The following MUC4 variants were observed in gnomAD, a reference collection of about 807,000 sequenced individuals.
MUC4 encodes mucin-4.
MUC4 carries 202 observed loss-of-function variants against 257.9 expected under a neutral mutation model. That is an observed-to-expected ratio of 0.78 (90% CI 0.70 to 0.88). The LOEUF is 0.88. MUC4 is among the 40% of genes least tolerant of loss of function. The pLI, the probability that MUC4 is intolerant of heterozygous loss-of-function variation, is 0.00. For synonymous variants in MUC4, 2,351 were observed against 2,757.1 expected, an observed-to-expected ratio of 0.85 and a Z score of 4.62; for missense variants, 5,976 against 6,513.7, an observed-to-expected ratio of 0.92 and a Z score of 2.84.
At chr3:195,796,705 A>G (rs765743934) in intron 1 of MUC4, among the ~76,000 whole-genome samples, 2 of 152,046 alleles carry the variant, frequency 1.3e-5, no homozygotes, top group Non-Finnish European at 2.9e-5. Flanking sequence ...AAAAATATGT[A>G]TATATAATCT....
Position 195,761,005 on chromosome 3 carries a change from C to G in MUC4, c.14727G>C (p.Leu4909Phe), listed in dbSNP as rs1718774724. The G allele has an allele frequency of 1.9e-6, 3 of 1,614,118 alleles. No individual in the cohort carries two copies. The highest frequency in any genetic ancestry group is 2.5e-6 in the Non-Finnish European group (3 of 1,180,010). The change falls in exon 16 of 25, where the codon TTG (leucine) becomes TTC (phenylalanine). Residue 4909 changes from leucine to phenylalanine, a missense_variant. Leu to Phe is a conservative substitution (Grantham distance 22). Transcript: ENST00000463781. ...LQKNSSWAEHLISNCDGDSSC... is the reference protein window; with the variant it reads ...LQKNSSWAEHFISNCDGDSSC... Reference sequence around the variant, plus strand: ...AGCTATCTCCGTCACAGTTGGAGATCAAATGTTCAGCCCAGGAGCTGTTTT... The same window carrying G: ...AGCTATCTCCGTCACAGTTGGAGATGAAATGTTCAGCCCAGGAGCTGTTTT...
At chr3:195,811,657 C>T (rs1301584457) in intron 1 of MUC4, 79 bp downstream of exon 1, 27 of 1,291,398 alleles carry the variant, frequency 2.1e-5, no homozygotes, top group Admixed American at 1.9e-4. Context: ...TCTGTCTCCC[C>T]GGACCTCTTT....
intron 7 of MUC4, among the ~76,000 whole-genome samples, chr3:195,767,540 TCATCACCATCACCATTACCATTGCCAC>T (rs1721046495): frequency 1.5e-5 from 1 of 65,736 alleles, no homozygotes; most frequent in Non-Finnish European, 2.8e-5. Flanking sequence ...GCCACCACCA[TCATCACCATCACCATTACCATTGCCAC>T]CACCATCACC....
intron 3 of MUC4, among the ~76,000 whole-genome samples, chr3:195,776,219 T>G (rs1334650428): frequency 4.5e-3 from 2 of 448 alleles, no homozygotes; most frequent in African/African-American, 0.032. Flanking sequence ...ACCTTCCACA[T>G]CCATACCTTC....
At chr3:195,799,463 G>A (rs1319369007) in intron 1 of MUC4, among the ~76,000 whole-genome samples, 1 of 152,152 alleles carries the variant, frequency 6.6e-6, no homozygotes, top group Non-Finnish European at 1.5e-5. Flanking sequence ...ACCATGCCAG[G>A]CTAATTTTTT....
chr3:195,809,621 G>C (rs1309810036), intron 1 of MUC4: 1 of 152,470 alleles, frequency 6.6e-6, no homozygotes, highest in Non-Finnish European at 1.5e-5. Flanking sequence ...AGACGCCCTT[G>C]CACACCAACA....
rs763696983 is a variant in MUC4, at chr3:195,757,139, A to C, written c.15168+8T>G. On this transcript the variant is annotated splice_region_variant and intron_variant, in intron 18 of 24. Transcript: ENST00000463781. This position sits in a 1 kb window ranked among gnomAD's most constrained non-coding sequence, Gnocchi z 4.8. ...ACAGAAACTCCTCCCCCACCTCCCA[A>C]CACTCACCTCCAGGGAGGAGTTGCC... is the stretch of plus-strand genomic sequence containing the variant. The C allele has an allele frequency of 6.3e-7, 1 of 1,587,260 alleles. No homozygotes were observed. Among genetic ancestry groups the C allele is most frequent in the Non-Finnish European group, 8.6e-7 (1 of 1,159,488 alleles).
At chr3:195,795,851 GGT>G (rs1553888970) in intron 1 of MUC4, among the ~76,000 whole-genome samples, 12 of 126,898 alleles carry the variant, frequency 9.5e-5, no homozygotes, top group African/African-American at 4.0e-4. Context: ...GGGGGAGGGG[GGT>G]GGGAGGAGGG....
Position 195,771,656 on chromosome 3 carries a change from T to A in MUC4, c.13238A>T (p.Tyr4413Phe). 6.2e-7 allele frequency: 1 copy of A among 1,613,164 alleles called. No individual in the cohort carries two copies. Among genetic ancestry groups the A allele is most frequent in the East Asian group, 2.2e-5 (1 of 44,842 alleles). The change falls in exon 5 of 25, where the codon TAT (tyrosine) becomes TTT (phenylalanine). Residue 4413 changes from tyrosine (Y) to phenylalanine (F), a missense_variant. This residue lies in a region of MUC4 where 996 missense variants were observed against 1,137.3 expected (regional missense o/e 0.88). Coordinates refer to ENST00000463781, the MANE Select transcript of MUC4 (RefSeq NM_018406.7). ...GCCAGGCTTTGAAAGGCTCACCTGA[T>A]AAAATGTGGTCCCCCGACCAGTGGA... The part of the protein sequence containing the change: ...DFSTGRGTTF[Y>F]QEYETFYGEH...
At chr3:195,775,559 C>G (rs866616920) in intron 3 of MUC4, among the ~76,000 whole-genome samples, 1 of 72,548 alleles carries the variant, frequency 1.4e-5, no homozygotes, top group African/African-American at 8.8e-5. Flanking sequence ...ACCTTCCACA[C>G]CCATACCTTC....
At position 195,778,613 on chromosome 3, in the gene MUC4, T is replaced by C. The variant is rs189528397; in HGVS notation, c.12791-158A>G. ...TACTCTCGACATCAGTGCTTTTCGATTGCGGCACAAAGGAGGGTGAGCCTG... is the reference window on the plus strand; with the variant it reads ...TACTCTCGACATCAGTGCTTTTCGACTGCGGCACAAAGGAGGGTGAGCCTG... On this transcript the variant is annotated intron_variant, in intron 2 of 24. Transcript: ENST00000463781. Among the ~76,000 whole-genome samples the C allele has an allele frequency of 1.8e-3, 274 of 152,328 alleles. 2 individuals are homozygous for C. Among genetic ancestry groups the C allele is most frequent in the African/African-American group, 6.2e-3 (259 of 41,576 alleles).
At position 195,810,596 on chromosome 3, in the gene MUC4, A is replaced by G. The variant is rs1472099877; in HGVS notation, c.82+1140T>C. 6.6e-6 allele frequency among the ~76,000 whole-genome samples: 1 copy of G among 151,916 alleles called. No homozygotes were observed. The highest frequency in any genetic ancestry group is 1.5e-5 in the Non-Finnish European group (1 of 67,972). ...GAGCCCCAGGCAAGGCCGTGACCCAAATGGAGGCTTTTAAACCCGAGCTCA... is the reference window on the plus strand; with the variant it reads ...GAGCCCCAGGCAAGGCCGTGACCCAGATGGAGGCTTTTAAACCCGAGCTCA... On this transcript the variant is annotated intron_variant, in intron 1 of 24. Transcript: ENST00000463781. The surrounding 1 kb of genome is among the most constrained non-coding windows in gnomAD (Gnocchi z 4.2).
intron 3 of MUC4, among the ~76,000 whole-genome samples, chr3:195,774,789 A>T (rs1464454694): frequency 6.6e-6 from 1 of 151,008 alleles, no homozygotes; most frequent in Admixed American, 6.6e-5. Flanking sequence ...AATCCCAGCC[A>T]CTCGGGAGGC....
chr3:195,790,103 A>AGAATGAG lies in MUC4; in HGVS notation c.1470_1476dup (p.Ser493LeufsTer25), dbSNP rs1279820218. The stretch of plus-strand genomic sequence containing the variant: ...GACCAAGTTGTGTGGCCTTTGCTGG[A>AGAATGAG]GAATGAGGAAGGCCATGTTGTTGTT... On this transcript the variant is annotated frameshift_variant, in exon 2 of 25. Coordinates refer to ENST00000463781, the MANE Select transcript of MUC4 (RefSeq NM_018406.7). LOFTEE classifies it high-confidence loss of function. 1.2e-6 allele frequency: 2 copies of AGAATGAG among 1,614,004 alleles called. No individual in the cohort carries two copies. Among genetic ancestry groups the AGAATGAG allele is most frequent in the African/African-American group, 1.3e-5 (1 of 75,052 alleles).
intron 7 of MUC4, among the ~76,000 whole-genome samples, chr3:195,768,467 C>G (rs1279110043): frequency 1.3e-5 from 2 of 152,174 alleles, no homozygotes; most frequent in Non-Finnish European, 2.9e-5. Flanking sequence ...CTTTTGGGTG[C>G]CCCCTGGATA....
chr3:195,770,425 T>C (rs1015591058), intron 5 of MUC4, 54 bp from the exon 6 acceptor site: 2 of 1,603,568 alleles, frequency 1.2e-6, no homozygotes, highest in Non-Finnish European at 1.7e-6. Flanking sequence ...CTCCTACACA[T>C]GGGCCCCCCA....
chr3:195,767,766 C>T lies in MUC4; in HGVS notation c.13530-1015G>A, dbSNP rs1300123182. ...ACCATCGCCACCACCACCATCACCACCACCACCACCATCACCACCATCATT... is the reference window on the plus strand; with the variant it reads ...ACCATCGCCACCACCACCATCACCATCACCACCACCATCACCACCATCATT... On this transcript the variant is annotated intron_variant, in intron 7 of 24. Transcript: ENST00000463781. 2.0e-4 allele frequency among the ~76,000 whole-genome samples: 24 copies of T among 117,770 alleles called. 1 individual carries two copies. Among genetic ancestry groups the T allele is most frequent in the South Asian group, 3.3e-4 (1 of 3,064 alleles). 77.3% of individuals were successfully genotyped at this position (117,770 alleles called of 152,430 possible).
Position 195,782,438 on chromosome 3 carries a change from A to G in MUC4, c.9142T>C (p.Ser3048Pro), listed in dbSNP as rs759517324. The change falls in exon 2 of 25, where the codon TCA becomes CCA. Residue 3048 changes from serine to proline, a missense_variant. Physicochemically the swap from Ser to Pro is moderately conservative, Grantham distance 74. Around this residue, in one of 44 missense-constraint regions of MUC4, gnomAD observed 52 missense variants for 102.2 expected, o/e 0.51. Transcript: ENST00000463781. ...GGGTTGGCGTGACCTGTGGATGCTGAGGAAGTGTCGGTGACAGGAAGCGGG... is the reference window on the plus strand; with the variant it reads ...GGGTTGGCGTGACCTGTGGATGCTGGGGAAGTGTCGGTGACAGGAAGCGGG... ...ATPLPVTDTSSASTGHANPLH... is the reference protein window; with the variant it reads ...ATPLPVTDTSPASTGHANPLH... The G allele has an allele frequency of 4.4e-4, 643 of 1,457,416 alleles. 1 individual carries two copies. In the East Asian group the frequency reaches 0.016, roughly 36 times the overall value. The allele number at this position is 1,457,416 out of a possible 1,614,324, so 90.3% of individuals were successfully genotyped here. A position where few individuals can be genotyped will look rare whatever the true frequency, so the allele number is the denominator to read the frequency against.
chr3:195,751,249 A>G lies in MUC4; in HGVS notation c.15605T>C (p.Leu5202Pro). 6.2e-7 allele frequency: 1 copy of G among 1,607,134 alleles called. No individual in the cohort carries two copies. Among genetic ancestry groups the G allele is most frequent in the Non-Finnish European group, 8.5e-7 (1 of 1,177,260 alleles). The change falls in exon 22 of 25, where the codon CTG (leucine) becomes CCG (proline). Residue 5202 changes from leucine to proline, a missense_variant. Leu to Pro is a moderately conservative substitution (Grantham distance 98). Transcript: ENST00000463781. ...GTTGCGGAGAAAGGCCCGCATGTCCAGGGTCCCCAGTCTGTATGCCACCTA... is the reference window on the plus strand; with the variant it reads ...GTTGCGGAGAAAGGCCCGCATGTCCGGGGTCCCCAGTCTGTATGCCACCTA... ...NASVAYRLGT[L>P]DMRAFLRNSQ... is the part of the protein sequence containing the mutation.
Sources: allele counts gnomAD v4.1 joint callset (sites outside exome capture counted in the v4.1 genomes callset), GRCh38; gene constraint gnomAD v4.1.1; regional missense constraint gnomAD v4.1.1; non-coding constraint Gnocchi (gnomAD v3.1); transcripts MANE v1.5; gene names NCBI Gene and HGNC (gene_info 2026-07-23, HGNC 2026-07-21).